Variants in ASCC1 observed in about 807,000 individuals in gnomAD.
ASCC1 encodes the protein activating signal cointegrator 1 complex subunit 1.
In ASCC1, 35 loss-of-function variants were observed where a neutral mutation model predicts 46.6. The ratio of observed to expected loss-of-function variants is 0.75; its 90% CI spans 0.57 to 0.99. The LOEUF (loss-of-function observed/expected upper bound fraction) is 0.99, where lower values mean the gene tolerates loss of function less well. ASCC1 is among the 50% of genes least tolerant of loss of function. The pLI, the probability that ASCC1 is intolerant of heterozygous loss-of-function variation, is 0.00. For synonymous variants in ASCC1, 143 were observed against 146.6 expected (o/e 0.98, Z 0.18); for missense variants, 376 against 428.7 (o/e 0.88, Z 1.09).
At chr10:72,172,677 A>G (rs1851271573) in intron 5 of ASCC1, among the ~76,000 whole-genome samples, 1 of 141,142 alleles carries the variant, frequency 7.1e-6, no homozygotes, top group Admixed American at 7.5e-5. Flanking sequence ...GTAAAATTAC[A>G]CTAGTTCCTC....
At chr10:72,189,277 G>A (rs1469440028) in intron 5 of ASCC1, among the ~76,000 whole-genome samples, 4 of 151,542 alleles carry the variant, frequency 2.6e-5, no homozygotes, top group South Asian at 4.2e-4. Flanking sequence ...GCGGGGTGGC[G>A]GGCGCCTGTG....
chr10:72,143,653 A>C (rs1366944468), intron 7 of ASCC1, among the ~76,000 whole-genome samples: 3 of 149,166 alleles, frequency 2.0e-5, no homozygotes, highest in Admixed American at 6.8e-5. Context: ...CTACTGTTCC[A>C]TGTGCCTGAA....
chr10:72,178,882 T>C (rs1466376214), intron 5 of ASCC1, among the ~76,000 whole-genome samples: 1 of 151,860 alleles, frequency 6.6e-6, no homozygotes, highest in Non-Finnish European at 1.5e-5. Flanking sequence ...TAAAGAAAAA[T>C]AAATTTACCT....
At chr10:72,142,528 G>A (rs1002858227) in intron 7 of ASCC1, among the ~76,000 whole-genome samples, 4 of 151,906 alleles carry the variant, frequency 2.6e-5, no homozygotes, top group African/African-American at 7.3e-5. Flanking sequence ...CACCATGCCC[G>A]GCTAATTTTT....
intron 7 of ASCC1, among the ~76,000 whole-genome samples, chr10:72,136,014 T>TTGC (rs1371798745): frequency 6.6e-6 from 1 of 152,052 alleles, no homozygotes; most frequent in Non-Finnish European, 1.5e-5. Context: ...TTTTTTGTTG[T>TTGC]TGTTGTTGTT....
rs892641652 is a variant in ASCC1, at chr10:72,096,353, T to C, written c.*981A>G. 11 of 453,968 alleles carry C rather than the reference T, an allele frequency of 2.4e-5. No homozygotes were observed. Among genetic ancestry groups the C allele is most frequent in the Middle Eastern group, 6.8e-4 (1 of 1,466 alleles). 28.1% of individuals were successfully genotyped at this position (453,968 alleles called of 1,614,324 possible). A position where few individuals can be genotyped will look rare whatever the true frequency, so the allele number is the denominator to read the frequency against. ...GGAACTCTGCACAGTCCTGCTGATA[T>C]CATCAGTTTCTTTTGCTGCTGCCTT... On this transcript the variant is annotated 3_prime_UTR_variant, in exon 10 of 10. Coordinates refer to ENST00000672957, the MANE Select transcript of ASCC1 (RefSeq NM_001198800.3).
At chr10:72,198,524 C>A (rs1855987675) in intron 4 of ASCC1, 1 of 455,270 alleles carries the variant, frequency 2.2e-6, no homozygotes, top group African/African-American at 2.0e-5. Flanking sequence ...ACAGCCTAGG[C>A]AATTTACTGA....
intron 5 of ASCC1, among the ~76,000 whole-genome samples, chr10:72,189,264 C>T (rs964760289): frequency 6.6e-6 from 1 of 151,408 alleles, no homozygotes; most frequent in African/African-American, 2.4e-5. Flanking sequence ...AAAAATTAGC[C>T]GGGCGGGGTG....
chr10:72,139,386 A>G (rs2132391424), intron 7 of ASCC1, among the ~76,000 whole-genome samples: 1 of 152,268 alleles, frequency 6.6e-6, no homozygotes. Flanking sequence ...AAGTGCTGGG[A>G]TTACAGGTGT....
In ASCC1 at chr10:72,152,889, A is replaced by G; in HGVS notation, c.726T>C (p.His242=). The G allele has an allele frequency of 6.2e-7, 1 of 1,614,182 alleles. No individual in the cohort carries two copies. Residue 242 remains histidine, a synonymous_variant, in exon 7 of 10, where the codon CAT becomes CAC. Transcript: ENST00000672957. The stretch of plus-strand genomic sequence containing the variant: ...TATACCTGTTGGAGCCATCTTTCAT[A>G]TGGACTTTGGCGTAAAGAACATCCA... The part of the protein sequence containing the change: ...GMVDVLYAKV[H]MKDGSNRLQE...
intron 5 of ASCC1, among the ~76,000 whole-genome samples, chr10:72,164,015 T>A (rs1028311519): frequency 6.6e-6 from 1 of 152,082 alleles, no homozygotes; most frequent in Non-Finnish European, 1.5e-5. Context: ...CAGGCTAGAG[T>A]GCAATGATGC....
At chr10:72,203,313 G>T in intron 4 of ASCC1, 114 bp downstream of exon 4, 3 of 791,278 alleles carry the variant, frequency 3.8e-6, no homozygotes, top group South Asian at 1.5e-5. Flanking sequence ...AAAAGAAAAA[G>T]CCCATAGCTA....
intron 3 of ASCC1, among the ~76,000 whole-genome samples, chr10:72,205,529 G>A (rs554611520): frequency 1.2e-4 from 19 of 152,002 alleles, no homozygotes; most frequent in Middle Eastern, 3.4e-3. Context: ...TACTCGGGAG[G>A]CTGAGGCAGG....
At chr10:72,198,663 T>A (rs1187441589) in intron 4 of ASCC1, 1 of 456,006 alleles carries the variant, frequency 2.2e-6, no homozygotes, top group Admixed American at 2.4e-5. Context: ...TTCTCTGATT[T>A]CTCTAATTTA....
At chr10:72,102,223 G>T in intron 9 of ASCC1, 1 of 862,190 alleles carries the variant, frequency 1.2e-6, no homozygotes, top group East Asian at 2.8e-5. Context: ...TGGGTCCAAT[G>T]GGTGTATATG....
chr10:72,214,038 A>T (rs1858620428), intron 1 of ASCC1, among the ~76,000 whole-genome samples: 1 of 151,332 alleles, frequency 6.6e-6, no homozygotes, highest in Non-Finnish European at 1.5e-5. Context: ...ACTCCGTCTT[A>T]AAAAAAGAAA....
chr10:72,102,475 T>C (rs1841887688), intron 9 of ASCC1: 6 of 1,327,466 alleles, frequency 4.5e-6, no homozygotes, highest in Admixed American at 2.0e-5. Context: ...CCTCCTTTTA[T>C]TGAGTTGTAG....
chr10:72,190,790 G>A (rs1390190506), intron 5 of ASCC1, among the ~76,000 whole-genome samples: 2 of 151,866 alleles, frequency 1.3e-5, no homozygotes, highest in Non-Finnish European at 2.9e-5. Flanking sequence ...GAGGTCAAGA[G>A]ATCGAGACCA....
At chr10:72,110,348 G>A (rs139789932) in intron 9 of ASCC1, among the ~76,000 whole-genome samples, 20 of 152,322 alleles carry the variant, frequency 1.3e-4, no homozygotes, top group African/African-American at 4.6e-4. Context: ...TTTCTTCCTG[G>A]CCCCCGGCTT....
Sources: allele counts gnomAD v4.1 joint callset (sites outside exome capture counted in the v4.1 genomes callset), GRCh38; gene constraint gnomAD v4.1.1; transcripts MANE v1.5; gene names NCBI Gene and HGNC (gene_info 2026-07-23, HGNC 2026-07-21).